HTR3D: variants seen among roughly 807,000 people sequenced by gnomAD.
HTR3D encodes the protein 5-hydroxytryptamine receptor 3D.
HTR3D carries 47 observed loss-of-function variants against 45.8 expected under a neutral mutation model. The observed-to-expected ratio is 1.03, with a 90% CI of 0.81 to 1.31. The LOEUF (loss-of-function observed/expected upper bound fraction) is 1.31, where lower values mean the gene tolerates loss of function less well. Among genes scored for constraint, HTR3D ranks in the 50% most tolerant of loss-of-function variants. The pLI is 0.00. For missense variants in HTR3D, 448 were observed against 506.9 expected (o/e 0.88, Z 1.12); for synonymous variants, 203 against 199.8 (o/e 1.02, Z -0.13).
Position 184,038,180 on chromosome 3 carries a change from T to C in HTR3D, c.676T>C (p.Phe226Leu). Residue 226 changes from phenylalanine (F) to leucine (L), a missense_variant, in exon 6 of 8, where the codon TTC (phenylalanine) becomes CTC (leucine). By Grantham distance (22) the Phe-to-Leu change is conservative. Transcript: ENST00000428798. The surrounding 1 kb of genome is among the most constrained non-coding windows in gnomAD (Gnocchi z 4.5). Reference sequence around the variant, plus strand: ...GACTGTTCTGCTGGGCTACAGCGTCTTCCTGCTCATGATGAATGACTTGCT... The same window carrying C: ...GACTGTTCTGCTGGGCTACAGCGTCCTCCTGCTCATGATGAATGACTTGCT... ...KMTVLLGYSV[F>L]LLMMNDLLPA... 6.2e-7 allele frequency: 1 copy of C among 1,614,196 alleles called. No homozygotes were observed. Among genetic ancestry groups the C allele is most frequent in the Non-Finnish European group, 8.5e-7 (1 of 1,180,038 alleles).
In HTR3D at chr3:184,039,335, A is replaced by C. The variant is rs1002215965; in HGVS notation, c.*360A>C. The C allele has an allele frequency of 6.2e-5, 12 of 192,468 alleles. No homozygotes were observed. Among genetic ancestry groups the C allele is most frequent in the Admixed American group, 1.2e-4 (2 of 17,210 alleles). The allele number at this position is 192,468 out of a possible 1,614,324, so 11.9% of individuals were successfully genotyped here. Reference sequence around the variant, plus strand: ...TTGGGATTGAGAGTCTTCTTGCAGAAACTTCTCAGCCAAAGTAAAAAGGAT... The same window carrying C: ...TTGGGATTGAGAGTCTTCTTGCAGACACTTCTCAGCCAAAGTAAAAAGGAT... On this transcript the variant is annotated 3_prime_UTR_variant, in exon 8 of 8. Coordinates refer to ENST00000428798, the MANE Select transcript of HTR3D (RefSeq NM_001145143.1).
chr3:184,038,660 A>T lies in HTR3D; in HGVS notation c.985+36A>T. ...TCATACTTCCTCTTCCCCCACCTCC[A>T]CTTCTCTGCTCCTGCCTCCTTCCCT... On this transcript the variant is annotated intron_variant, in intron 7 of 7. Coordinates refer to ENST00000428798, the MANE Select transcript of HTR3D (RefSeq NM_001145143.1). The surrounding 1 kb of genome is among the most constrained non-coding windows in gnomAD (Gnocchi z 4.5). The T allele has an allele frequency of 6.3e-7, 1 of 1,587,664 alleles. No homozygotes were observed. The highest frequency in any genetic ancestry group is 1.1e-5 in the South Asian group (1 of 88,660).
rs1479215819 is a variant in HTR3D at position 184,036,860 on chromosome 3, C to T, written c.480C>T (p.Thr160=). The T allele has an allele frequency of 3.2e-6, 5 of 1,551,498 alleles. No homozygotes were observed. The highest frequency in any genetic ancestry group is 2.4e-5 in the South Asian group (2 of 84,056). ...TCCAAAAAAGAACAATAAAGGTGAC[C>T]GTGGCCACTAACCAGTATGAACAAG... ...LGIQKRTIKV[T]VATNQYEQAI... is the part of the protein sequence containing the mutation. Residue 160 remains threonine, a synonymous_variant, in exon 5 of 8, where the codon ACC becomes ACT. Coordinates refer to ENST00000428798, the MANE Select transcript of HTR3D (RefSeq NM_001145143.1).
rs1361009607 is a variant in HTR3D, at chr3:184,035,218, A to AT, written c.108dup (p.Met37TyrfsTer6). ...CTGGTGACATCGTTCCTGTGGCTAA[A>AT]TATGGTATGACAGACTCAGTTTCCC... On this transcript the variant is annotated frameshift_variant, in exon 2 of 8. Transcript: ENST00000428798. LOFTEE classifies it high-confidence loss of function. 1 of 1,552,194 alleles carries AT rather than the reference A, an allele frequency of 6.4e-7. No homozygotes were observed. The highest frequency in any genetic ancestry group is 1.2e-5 in the South Asian group (1 of 84,058).
intron 1 of HTR3D, chr3:184,033,092 G>T: frequency 1.4e-6 from 2 of 1,401,134 alleles, no homozygotes; most frequent in Non-Finnish European, 2.0e-6. Flanking sequence ...CAGTGGTCTA[G>T]TGGTGAGCAG....
rs1722790735 is a variant in HTR3D at position 184,032,947 on chromosome 3, G to A, written c.66+1140G>A. On this transcript the variant is annotated intron_variant, in intron 1 of 7. Coordinates refer to ENST00000428798, the MANE Select transcript of HTR3D (RefSeq NM_001145143.1). ...GCCCAGGCTTTGGCCAGCACAGGGT[G>A]GACCCTGCAGCCTTTCAAGCAGTGT... is the stretch of plus-strand genomic sequence containing the variant. The A allele has an allele frequency of 5.8e-6, 9 of 1,552,480 alleles. No individual in the cohort carries two copies. The East Asian group carries it at 2.0e-4, about 34-fold the overall frequency.
rs761104510 is a variant in HTR3D at position 184,038,959 on chromosome 3, G to A, written c.1199G>A (p.Cys400Tyr). 8 of 1,614,120 alleles carry A rather than the reference G, an allele frequency of 5.0e-6. No individual in the cohort carries two copies. The highest frequency in any genetic ancestry group is 1.7e-5 in the Admixed American group (1 of 60,024). The change falls in exon 8 of 8, where the codon TGC becomes TAC. Residue 400 changes from cysteine to tyrosine, a missense_variant. By Grantham distance (194) the Cys-to-Tyr change is radical. Transcript: ENST00000428798. This position sits in a 1 kb window ranked among gnomAD's most constrained non-coding sequence, Gnocchi z 4.5. The stretch of plus-strand genomic sequence containing the variant: ...GCCTCCTCCATCATCACCGTCATAT[G>A]CCTCTGGAACACCTAGGCAGGTGCT... Reference protein sequence around the residue: ...FMASSIITVICLWNT With the variant: ...FMASSIITVIYLWNT
At position 184,034,573 on chromosome 3, in the gene HTR3D, A is replaced by C. The variant is rs1300161536; in HGVS notation, c.67-605A>C. ...ACACTTAAAATGGTTAAGAGAGTACATTTTATGTTATATATTTTTATCACA... is the reference window on the plus strand; with the variant it reads ...ACACTTAAAATGGTTAAGAGAGTACCTTTTATGTTATATATTTTTATCACA... On this transcript the variant is annotated intron_variant, in intron 1 of 7. Transcript: ENST00000428798. 2.0e-5 allele frequency among the ~76,000 whole-genome samples: 3 copies of C among 149,476 alleles called. No homozygotes were observed. The East Asian group carries it at 6.1e-4, about 30-fold the overall frequency.
intron 5 of HTR3D, among the ~76,000 whole-genome samples, chr3:184,037,762 C>T (rs901455026): frequency 6.6e-6 from 1 of 152,092 alleles, no homozygotes; most frequent in Admixed American, 6.5e-5. Flanking sequence ...AAGAGCACGT[C>T]GGTAGGAATA....
In HTR3D at chr3:184,036,908, G is replaced by A. The variant is rs764942214; in HGVS notation, c.516+12G>A. The A allele has an allele frequency of 3.9e-6, 6 of 1,550,624 alleles. No homozygotes were observed. The South Asian group carries it at 7.1e-5, about 18-fold the overall frequency. On this transcript the variant is annotated intron_variant, in intron 5 of 7. Transcript: ENST00000428798. The stretch of plus-strand genomic sequence containing the variant: ...AAGCCATCTTCCATGTGAGCTCAGG[G>A]GCCAAGACAAGGTTTCACCATGTTG...
In HTR3D at chr3:184,038,465, T is replaced by A; in HGVS notation, c.826T>A (p.Phe276Ile). The A allele has an allele frequency of 1.2e-6, 2 of 1,614,036 alleles. No homozygotes were observed. Among genetic ancestry groups the A allele is most frequent in the Non-Finnish European group, 1.7e-6 (2 of 1,179,996 alleles). ...GGTGGGCAGCCTGCTGGAGACCATC[T>A]TCATCACCCACCTGCTGCACGTGGC... The part of the protein sequence containing the change: ...LMVGSLLETI[F>I]ITHLLHVATT... The change falls in exon 7 of 8, where the codon TTC becomes ATC. Residue 276 changes from phenylalanine (F) to isoleucine (I), a missense_variant. Phe to Ile is a conservative substitution (Grantham distance 21). Transcript: ENST00000428798. The surrounding 1 kb of genome is among the most constrained non-coding windows in gnomAD (Gnocchi z 4.5).
chr3:184,032,796 C>A (rs1205425957), intron 1 of HTR3D: 2 of 1,449,344 alleles, frequency 1.4e-6, no homozygotes, highest in East Asian at 4.9e-5. Context: ...AGGAGGAGCT[C>A]ACATGCTTCT....
intron 1 of HTR3D, among the ~76,000 whole-genome samples, chr3:184,034,559 G>A (rs1722829827): frequency 6.7e-6 from 1 of 149,004 alleles, no homozygotes; most frequent in Non-Finnish European, 1.5e-5. Flanking sequence ...CACTTAAAAT[G>A]GTTAAGAGAG....
At chr3:184,037,960 T>TA in intron 5 of HTR3D, 61 bp from the exon 6 acceptor site, 1 of 1,583,378 alleles carries the variant, frequency 6.3e-7, no homozygotes, top group Non-Finnish European at 8.6e-7. Flanking sequence ...TTCTTACTCT[T>TA]ACCTGTCTTG....
chr3:184,033,030 T>A (rs1025319452), intron 1 of HTR3D: 4 of 1,551,544 alleles, frequency 2.6e-6, no homozygotes, highest in South Asian at 1.2e-5. Flanking sequence ...CATGTCAACA[T>A]CTCCTTCACC....
intron 1 of HTR3D, chr3:184,033,149 T>A: frequency 1.1e-6 from 1 of 918,352 alleles, no homozygotes; most frequent in Non-Finnish European, 1.6e-6. Flanking sequence ...AGATGGAGTC[T>A]TGCTCTTGTC....
intron 3 of HTR3D, 48 bp from the exon 4 acceptor site, chr3:184,036,327 G>T: frequency 6.2e-7 from 1 of 1,602,368 alleles, no homozygotes; most frequent in Non-Finnish European, 8.5e-7. Context: ...AGTCTGATGG[G>T]GAAACCCACA....
rs1475390674 is a variant in HTR3D at position 184,036,504 on chromosome 3, A to C, written c.327A>C (p.Arg109Ser). The C allele has an allele frequency of 6.2e-7, 1 of 1,614,096 alleles. No individual in the cohort carries two copies. The highest frequency in any genetic ancestry group is 8.5e-7 in the Non-Finnish European group (1 of 1,180,050). Residue 109 changes from arginine to serine, a missense_variant, in exon 4 of 8, where the codon AGA (arginine) becomes AGC (serine). Physicochemically the swap from Arg to Ser is moderately radical, Grantham distance 110 (BLOSUM62 -1). Transcript: ENST00000428798. ...WTPSISPSMDRGERSPSALSP... is the reference protein window; with the variant it reads ...WTPSISPSMDSGERSPSALSP... ...CTTCTATTTCCCCTTCCATGGACAG[A>C]GGTGAACGCTCTCCTTCAGCCCTTT...
Position 184,038,661 on chromosome 3 carries a change from C to T in HTR3D, c.985+37C>T, listed in dbSNP as rs1044252591. On this transcript the variant is annotated intron_variant, in intron 7 of 7. Transcript: ENST00000428798. This position sits in a 1 kb window ranked among gnomAD's most constrained non-coding sequence, Gnocchi z 4.5. ...CATACTTCCTCTTCCCCCACCTCCA[C>T]TTCTCTGCTCCTGCCTCCTTCCCTG... The T allele has an allele frequency of 6.3e-7, 1 of 1,586,184 alleles. No homozygotes were observed. Among genetic ancestry groups the T allele is most frequent in the African/African-American group, 1.4e-5 (1 of 74,044 alleles).
Sources: gnomAD v4.1 joint callset for allele counts (sites outside exome capture counted in the v4.1 genomes callset) on GRCh38, gnomAD v4.1.1 for gene constraint, Gnocchi (gnomAD v3.1) non-coding constraint, MANE v1.5 for transcripts, NCBI Gene and HGNC (gene_info 2026-07-23, HGNC 2026-07-21) for gene names.